Variants in RBM15B observed in about 807,000 individuals in gnomAD.
RBM15B encodes the protein RNA binding motif protein 15B.
In RBM15B, 11 loss-of-function variants were observed where a neutral mutation model predicts 53.3. That is an observed-to-expected ratio of 0.21 (90% CI 0.13 to 0.34). The LOEUF (loss-of-function observed/expected upper bound fraction) is 0.34, where lower values mean the gene tolerates loss of function less well. Ranked by LOEUF, RBM15B falls within the 10% of genes least tolerant of loss-of-function variation. The pLI is 1.00. For missense variants in RBM15B, 1,136 were observed against 1,250.3 expected (o/e 0.91, Z 1.38); for synonymous variants, 631 against 540.7 (o/e 1.17, Z -2.32).
At position 51,391,463 on chromosome 3, in the gene RBM15B, C is replaced by T; in HGVS notation, c.64C>T (p.Arg22Cys). The T allele has an allele frequency of 1.6e-6, 2 of 1,256,978 alleles. No individual in the cohort carries two copies. The highest frequency in any genetic ancestry group is 2.5e-5 in the South Asian group (1 of 39,386). 77.9% of individuals were successfully genotyped at this position (1,256,978 alleles called of 1,614,324 possible). ...GCGCGGCTCGTCATCGTCCGCCAAG[C>T]GTCCGCGGGAGCGCGAACGGGAGGC... ...SGRGSSSSAK[R>C]PREREREAEA... The change falls in exon 1 of 1, where the codon CGT becomes TGT. Residue 22 changes from arginine to cysteine, a missense_variant. Transcript: ENST00000563281. This position sits in a 1 kb window ranked among gnomAD's most constrained non-coding sequence, Gnocchi z 4.5.
rs1438837132 is a variant in RBM15B, at chr3:51,392,691, T to A, written c.1292T>A (p.Leu431Gln). ...WVGGLGPNTS[L>Q]AALAREFDRF... The stretch of plus-strand genomic sequence containing the variant: ...GGTGGCCTGGGACCTAACACGTCAC[T>A]GGCGGCTCTGGCCCGAGAGTTTGAC... Residue 431 changes from leucine to glutamine, a missense_variant, in exon 1 of 1, where the codon CTG (leucine) becomes CAG (glutamine). By Grantham distance (113) the Leu-to-Gln change is moderately radical. Coordinates refer to ENST00000563281, the MANE Select transcript of RBM15B (RefSeq NM_013286.5). This position sits in a 1 kb window ranked among gnomAD's most constrained non-coding sequence, Gnocchi z 7.5. The A allele has an allele frequency of 6.2e-7, 1 of 1,614,022 alleles. No homozygotes were observed. The highest frequency in any genetic ancestry group is 8.5e-7 in the Non-Finnish European group (1 of 1,180,034).
rs1553623013 is a variant in RBM15B, at chr3:51,396,514, C to G, written c.*2442C>G. 1 of 167,160 alleles carries G rather than the reference C, an allele frequency of 6.0e-6. No homozygotes were observed. Among genetic ancestry groups the G allele is most frequent in the Non-Finnish European group, 1.5e-5 (1 of 68,178 alleles). 10.4% of individuals were successfully genotyped at this position (167,160 alleles called of 1,614,324 possible). On this transcript the variant is annotated 3_prime_UTR_variant, in exon 1 of 1. Transcript: ENST00000563281. ...CCCCACTGAGAAAACTTACTTACTT[C>G]AGGCATCCAGTGCCCCCACCCAGGG...
chr3:51,395,623 A>C lies in RBM15B; in HGVS notation c.*1551A>C. The C allele has an allele frequency of 2.4e-6, 1 of 409,272 alleles. No individual in the cohort carries two copies. Among genetic ancestry groups the C allele is most frequent in the Non-Finnish European group, 4.5e-6 (1 of 224,124 alleles). The allele number at this position is 409,272 out of a possible 1,614,324, so 25.4% of individuals were successfully genotyped here. ...TAAGCGAATGAGCCCCTAGATGATA[A>C]CCAGGAACTCCAGGTTCTGCTGGCC... On this transcript the variant is annotated 3_prime_UTR_variant, in exon 1 of 1. Transcript: ENST00000563281.
rs953311612 is a variant in RBM15B at position 51,393,030 on chromosome 3, C to G, written c.1631C>G (p.Thr544Ser). Reference protein sequence around the residue: ...PHLLYSDRDRTFLEGDWTSPS... With the variant: ...PHLLYSDRDRSFLEGDWTSPS... ...CTTCTGTACTCAGACCGAGACCGGACTTTTTTGGAAGGGGACTGGACCAGC... is the reference window on the plus strand; with the variant it reads ...CTTCTGTACTCAGACCGAGACCGGAGTTTTTTGGAAGGGGACTGGACCAGC... The change falls in exon 1 of 1, where the codon ACT becomes AGT. Residue 544 changes from threonine (T) to serine (S), a missense_variant. Physicochemically the swap from Thr to Ser is moderately conservative, Grantham distance 58 (BLOSUM62 1). Around this residue, in one of 7 missense-constraint regions of RBM15B, gnomAD observed 578 missense variants for 581.6 expected, o/e 0.99. Transcript: ENST00000563281. This position sits in a 1 kb window ranked among gnomAD's most constrained non-coding sequence, Gnocchi z 5.6. 6.2e-7 allele frequency: 1 copy of G among 1,613,696 alleles called. No homozygotes were observed. Among genetic ancestry groups the G allele is most frequent in the Admixed American group, 1.7e-5 (1 of 60,002 alleles).
At position 51,392,105 on chromosome 3, in the gene RBM15B, G is replaced by T; in HGVS notation, c.706G>T (p.Ala236Ser). ...SRRSSSSSAA[A>S]STPPPGPPAP... The stretch of plus-strand genomic sequence containing the variant: ...GCGAAGTAGCAGCAGCAGCGCCGCC[G>T]CTTCCACGCCTCCCCCAGGGCCGCC... Residue 236 changes from alanine to serine, a missense_variant, in exon 1 of 1, where the codon GCT becomes TCT. By Grantham distance (99) the Ala-to-Ser change is moderately conservative. This residue lies in a region of RBM15B where 204 missense variants were observed against 196.8 expected (regional missense o/e 1.04). Coordinates refer to ENST00000563281, the MANE Select transcript of RBM15B (RefSeq NM_013286.5). This position sits in a 1 kb window ranked among gnomAD's most constrained non-coding sequence, Gnocchi z 7.5. The T allele has an allele frequency of 6.5e-7, 1 of 1,543,442 alleles. No individual in the cohort carries two copies. The highest frequency in any genetic ancestry group is 8.7e-7 in the Non-Finnish European group (1 of 1,151,496).
chr3:51,391,939 C>T lies in RBM15B; in HGVS notation c.540C>T (p.Gly180=). The stretch of plus-strand genomic sequence containing the variant: ...GCCTGTCGCACACGCCTGAGCTGGG[C>T]CGTGTGGCCTACGTGAATTTCCGGC... ...SLRLSHTPEL[G]RVAYVNFRHP... Residue 180 remains glycine, a synonymous_variant, in exon 1 of 1, where the codon GGC becomes GGT. Coordinates refer to ENST00000563281, the MANE Select transcript of RBM15B (RefSeq NM_013286.5). The surrounding 1 kb of genome is among the most constrained non-coding windows in gnomAD (Gnocchi z 4.5). 3 of 1,602,506 alleles carry T rather than the reference C, an allele frequency of 1.9e-6. No individual in the cohort carries two copies. The highest frequency in any genetic ancestry group is 2.5e-6 in the Non-Finnish European group (3 of 1,179,070).
Position 51,394,071 on chromosome 3 carries a change from A to G in RBM15B, c.2672A>G (p.Ter891TrpextTer18). Residue 891 changes from the stop codon to tryptophan, a stop_lost, in exon 1 of 1, where the codon TAG becomes TGG. Transcript: ENST00000563281. The part of the protein sequence containing the change: ...MVIVIVRDTA[*>W] ...ATAGTCATCGTCAGAGACACTGCCTAGCCCAAGCCTGTCTTTCCCAGCGTC... is the reference window on the plus strand; with the variant it reads ...ATAGTCATCGTCAGAGACACTGCCTGGCCCAAGCCTGTCTTTCCCAGCGTC... 7.0e-7 allele frequency: 1 copy of G among 1,428,848 alleles called. No individual in the cohort carries two copies. The highest frequency in any genetic ancestry group is 9.2e-7 in the Non-Finnish European group (1 of 1,088,088). The allele number at this position is 1,428,848 out of a possible 1,614,324, so 88.5% of individuals were successfully genotyped here.
chr3:51,393,701 C>T lies in RBM15B; in HGVS notation c.2302C>T (p.Arg768Cys). The T allele has an allele frequency of 6.2e-7, 1 of 1,613,012 alleles. No individual in the cohort carries two copies. Among genetic ancestry groups the T allele is most frequent in the Non-Finnish European group, 8.5e-7 (1 of 1,179,588 alleles). The change falls in exon 1 of 1, where the codon CGC becomes TGC. Residue 768 changes from arginine to cysteine, a missense_variant. Arg to Cys is a radical substitution (Grantham distance 180). Transcript: ENST00000563281. This position sits in a 1 kb window ranked among gnomAD's most constrained non-coding sequence, Gnocchi z 5.6. ...GCTGACCCAGCTGAAGATCGCCCAG[C>T]GCCTTCGACTGGACCAGCCCAAGCT... The part of the protein sequence containing the change: ...SKLTQLKIAQ[R>C]LRLDQPKLDE...
In RBM15B at chr3:51,395,538, T is replaced by C. The variant is rs1297273805; in HGVS notation, c.*1466T>C. The C allele has an allele frequency of 8.4e-6, 3 of 358,888 alleles. No individual in the cohort carries two copies. Among genetic ancestry groups the C allele is most frequent in the Admixed American group, 9.6e-5 (2 of 20,866 alleles). The allele number at this position is 358,888 out of a possible 1,614,324, so 22.2% of individuals were successfully genotyped here. A position where few individuals can be genotyped will look rare whatever the true frequency, so the allele number is the denominator to read the frequency against. Reference sequence around the variant, plus strand: ...CCCAAATGCCATTCTTCAGCGTGTCTGGTACCTTGGATGTTCAAACAGGGA... The same window carrying C: ...CCCAAATGCCATTCTTCAGCGTGTCCGGTACCTTGGATGTTCAAACAGGGA... On this transcript the variant is annotated 3_prime_UTR_variant, in exon 1 of 1. Transcript: ENST00000563281.
In RBM15B at chr3:51,391,516, C is replaced by T. The variant is rs2089035958; in HGVS notation, c.117C>T (p.His39=). The T allele has an allele frequency of 2.5e-6, 3 of 1,204,246 alleles. No individual in the cohort carries two copies. The highest frequency in any genetic ancestry group is 3.1e-6 in the Non-Finnish European group (3 of 969,786). 74.6% of individuals were successfully genotyped at this position (1,204,246 alleles called of 1,614,324 possible). A position where few individuals can be genotyped will look rare whatever the true frequency, so the allele number is the denominator to read the frequency against. The change falls in exon 1 of 1, where the codon CAC becomes CAT. Residue 39 remains histidine (H), a synonymous_variant. Transcript: ENST00000563281. This position sits in a 1 kb window ranked among gnomAD's most constrained non-coding sequence, Gnocchi z 4.5. ...EAEAGGRRAA[H]KASGGAKHPV... ...AGGCGGGCGGGCGGCGGGCGGCGCA[C>T]AAGGCCTCTGGCGGCGCCAAGCACC...
chr3:51,393,189 G>A lies in RBM15B; in HGVS notation c.1790G>A (p.Arg597Lys), dbSNP rs2089068994. 1 of 1,613,972 alleles carries A rather than the reference G, an allele frequency of 6.2e-7. No individual in the cohort carries two copies. The highest frequency in any genetic ancestry group is 1.3e-5 in the African/African-American group (1 of 75,048). Residue 597 changes from arginine to lysine, a missense_variant, in exon 1 of 1, where the codon AGA becomes AAA. Transcript: ENST00000563281. The surrounding 1 kb of genome is among the most constrained non-coding windows in gnomAD (Gnocchi z 5.6). ...PKPWEERRKR[R>K]SLSSDRGRTT... ...CCCTGGGAAGAGAGGCGGAAACGGA[G>A]AAGCCTTTCCAGTGACCGTGGGAGG...
Position 51,393,398 on chromosome 3 carries a change from C to G in RBM15B, c.1999C>G (p.His667Asp). The part of the protein sequence containing the change: ...RHGAEERGHH[H>D]HHHEAADSSH... The stretch of plus-strand genomic sequence containing the variant: ...TGGGGCTGAGGAACGGGGCCACCAC[C>G]ACCACCACCACGAGGCTGCAGACTC... The change falls in exon 1 of 1, where the codon CAC becomes GAC. Residue 667 changes from histidine (H) to aspartate (D), a missense_variant. His to Asp is a moderately conservative substitution (Grantham distance 81, BLOSUM62 -1). Coordinates refer to ENST00000563281, the MANE Select transcript of RBM15B (RefSeq NM_013286.5). This position sits in a 1 kb window ranked among gnomAD's most constrained non-coding sequence, Gnocchi z 5.6. The G allele has an allele frequency of 1.2e-6, 2 of 1,613,662 alleles. No individual in the cohort carries two copies. Among genetic ancestry groups the G allele is most frequent in the South Asian group, 2.2e-5 (2 of 91,074 alleles).
chr3:51,395,144 G>GTACT lies in RBM15B; in HGVS notation c.*1076_*1079dup, dbSNP rs1407346463. On this transcript the variant is annotated 3_prime_UTR_variant, in exon 1 of 1. Coordinates refer to ENST00000563281, the MANE Select transcript of RBM15B (RefSeq NM_013286.5). ...GGGGATACTGAACCTCTAGACTGAA[G>GTACT]TACTTACCGGGGAGCACAGTGGACT... is the stretch of plus-strand genomic sequence containing the variant. 18 of 167,386 alleles carry GTACT rather than the reference G, an allele frequency of 1.1e-4. No homozygotes were observed. Among genetic ancestry groups the GTACT allele is most frequent in the South Asian group, 2.1e-4 (1 of 4,828 alleles). 10.4% of individuals were successfully genotyped at this position (167,386 alleles called of 1,614,324 possible).
rs1553621906 is a variant in RBM15B at position 51,393,157 on chromosome 3, G to T, written c.1758G>T (p.Leu586Phe). Reference protein sequence around the residue: ...ERWGADGDRGLPKPWEERRKR... With the variant: ...ERWGADGDRGFPKPWEERRKR... ...GGGGGGCAGATGGAGACCGTGGTTTGCCCAAGCCCTGGGAAGAGAGGCGGA... is the reference window on the plus strand; with the variant it reads ...GGGGGGCAGATGGAGACCGTGGTTTTCCCAAGCCCTGGGAAGAGAGGCGGA... Residue 586 changes from leucine to phenylalanine, a missense_variant, in exon 1 of 1, where the codon TTG becomes TTT. This residue lies in a region of RBM15B where 578 missense variants were observed against 581.6 expected (regional missense o/e 0.99). Transcript: ENST00000563281. This position sits in a 1 kb window ranked among gnomAD's most constrained non-coding sequence, Gnocchi z 5.6. The T allele has an allele frequency of 6.2e-7, 1 of 1,614,004 alleles. No homozygotes were observed. Among genetic ancestry groups the T allele is most frequent in the East Asian group, 2.2e-5 (1 of 44,884 alleles).
At position 51,392,807 on chromosome 3, in the gene RBM15B, T is replaced by C; in HGVS notation, c.1408T>C (p.Cys470Arg). 1 of 1,614,086 alleles carries C rather than the reference T, an allele frequency of 6.2e-7. No individual in the cohort carries two copies. The highest frequency in any genetic ancestry group is 8.5e-7 in the Non-Finnish European group (1 of 1,180,028). Residue 470 changes from cysteine to arginine, a missense_variant, in exon 1 of 1, where the codon TGT becomes CGT. Cys to Arg is a radical substitution (Grantham distance 180, BLOSUM62 -3). Coordinates refer to ENST00000563281, the MANE Select transcript of RBM15B (RefSeq NM_013286.5). This position sits in a 1 kb window ranked among gnomAD's most constrained non-coding sequence, Gnocchi z 7.5. The stretch of plus-strand genomic sequence containing the variant: ...GAGCTTGGACGCAGCCCAGGCCGCC[T>C]GTGCTAAAATGAGGGGTTTTCCCTT... ...YESLDAAQAA[C>R]AKMRGFPLGG...
Position 51,395,890 on chromosome 3 carries a change from T to A in RBM15B, c.*1818T>A. On this transcript the variant is annotated 3_prime_UTR_variant, in exon 1 of 1. Coordinates refer to ENST00000563281, the MANE Select transcript of RBM15B (RefSeq NM_013286.5). Reference sequence around the variant, plus strand: ...AAGACATGTTAAGCATGTTTATTTATTTGCCTGTTTTTGTTTTTTTACTTG... The same window carrying A: ...AAGACATGTTAAGCATGTTTATTTAATTGCCTGTTTTTGTTTTTTTACTTG... The A allele has an allele frequency of 2.4e-6, 1 of 413,520 alleles. No individual in the cohort carries two copies. The highest frequency in any genetic ancestry group is 4.4e-6 in the Non-Finnish European group (1 of 226,146). The allele number at this position is 413,520 out of a possible 1,614,324, so 25.6% of individuals were successfully genotyped here.
chr3:51,394,048 A>G lies in RBM15B; in HGVS notation c.2649A>G (p.Ile883Met). The G allele has an allele frequency of 6.8e-7, 1 of 1,467,492 alleles. No homozygotes were observed. Among genetic ancestry groups the G allele is most frequent in the South Asian group, 1.5e-5 (1 of 64,604 alleles). 90.9% of individuals were successfully genotyped at this position (1,467,492 alleles called of 1,614,324 possible). A position where few individuals can be genotyped will look rare whatever the true frequency, so the allele number is the denominator to read the frequency against. The change falls in exon 1 of 1, where the codon ATA becomes ATG. Residue 883 changes from isoleucine (I) to methionine (M), a missense_variant. Physicochemically the swap from Ile to Met is conservative, Grantham distance 10. Coordinates refer to ENST00000563281, the MANE Select transcript of RBM15B (RefSeq NM_013286.5). ...LGKLEEEHMVIVIVRDTA is the reference protein window; with the variant it reads ...LGKLEEEHMVMVIVRDTA ...AGCTAGAAGAAGAACACATGGTGAT[A>G]GTCATCGTCAGAGACACTGCCTAGC...
chr3:51,392,440 C>T lies in RBM15B; in HGVS notation c.1041C>T (p.Ser347=), dbSNP rs372995012. 1.4e-5 allele frequency: 23 copies of T among 1,613,912 alleles called. No homozygotes were observed. The highest frequency in any genetic ancestry group is 3.3e-5 in the Admixed American group (2 of 60,008). Residue 347 remains serine (S), a synonymous_variant, in exon 1 of 1, where the codon AGC becomes AGT. Coordinates refer to ENST00000563281, the MANE Select transcript of RBM15B (RefSeq NM_013286.5). The surrounding 1 kb of genome is among the most constrained non-coding windows in gnomAD (Gnocchi z 7.5). ...RNLFIGNLDH[S]VSEVELRRAF... ...TCTTCATTGGTAACCTGGACCACAG[C>T]GTATCTGAGGTGGAGCTGCGAAGGG...
In RBM15B at chr3:51,391,482, G is replaced by GGGAGGC. The variant is rs1210825817; in HGVS notation, c.92_97dup (p.Glu31_Ala32dup). ...GCCAAGCGTCCGCGGGAGCGCGAAC[G>GGGAGGC]GGAGGCGGAGGCGGGCGGGCGGCGG... is the stretch of plus-strand genomic sequence containing the variant. On this transcript the variant is annotated inframe_insertion, in exon 1 of 1. Coordinates refer to ENST00000563281, the MANE Select transcript of RBM15B (RefSeq NM_013286.5). The surrounding 1 kb of genome is among the most constrained non-coding windows in gnomAD (Gnocchi z 4.5). 85 of 1,236,526 alleles carry GGGAGGC rather than the reference G, an allele frequency of 6.9e-5. No homozygotes were observed. Among genetic ancestry groups the GGGAGGC allele is most frequent in the Non-Finnish European group, 7.9e-5 (78 of 989,204 alleles). 76.6% of individuals were successfully genotyped at this position (1,236,526 alleles called of 1,614,324 possible). A position where few individuals can be genotyped will look rare whatever the true frequency, so the allele number is the denominator to read the frequency against.
Sources: gnomAD v4.1 joint callset for allele counts on GRCh38, gnomAD v4.1.1 for gene constraint, gnomAD v4.1.1 regional missense constraint, Gnocchi (gnomAD v3.1) non-coding constraint, MANE v1.5 for transcripts, NCBI Gene and HGNC (gene_info 2026-07-23, HGNC 2026-07-21) for gene names.